Variants in WDR27 observed in about 807,000 individuals in gnomAD.
WDR27 encodes WD repeat domain 27.
In WDR27, 100 loss-of-function variants were observed where a neutral mutation model predicts 114.4. The ratio of observed to expected loss-of-function variants is 0.87; its 90% CI spans 0.74 to 1.03. WDR27 has a LOEUF of 1.03. Among genes scored for constraint, WDR27 ranks in the 50% least tolerant of loss-of-function variants. WDR27 has a pLI of 0.00. For missense variants in WDR27, 1,129 were observed against 1,092.9 expected (o/e 1.03, Z -0.47); for synonymous variants, 449 against 423.1 (o/e 1.06, Z -0.75).
At chr6:169,547,935 GAACA>G (rs1219198002) in intron 25 of WDR27, among the ~76,000 whole-genome samples, 3 of 151,586 alleles carry the variant, frequency 2.0e-5, no homozygotes, top group African/African-American at 4.8e-5. Flanking sequence ...AAACCTTCTG[GAACA>G]AACAGTGATT....
At chr6:169,697,104 C>T (rs1409726469) in intron 1 of WDR27, among the ~76,000 whole-genome samples, 1 of 152,146 alleles carries the variant, frequency 6.6e-6, no homozygotes, top group African/African-American at 2.4e-5. Context: ...AGATATAGAT[C>T]TTAGATATGA....
Position 169,485,949 on chromosome 6 carries a change from GATGAACAC to G in WDR27, c.2646-28323_2646-28316del, listed in dbSNP as rs1190262574. On this transcript the variant is annotated intron_variant, in intron 25 of 25. Transcript: ENST00000448612. Reference sequence around the variant, plus strand: ...TGCACGTTTTCACAAGTGGGAGCCAGATGAACACATGGACACATGGAGGGAAACAAGAG... The same window carrying G: ...TGCACGTTTTCACAAGTGGGAGCCAGATGGACACATGGAGGGAAACAAGAG... 2.0e-5 allele frequency among the ~76,000 whole-genome samples: 3 copies of G among 152,106 alleles called. No homozygotes were observed. In the East Asian group the frequency reaches 5.8e-4, roughly 29 times the overall value.
intron 21 of WDR27, among the ~76,000 whole-genome samples, chr6:169,627,370 TGATGC>T (rs1278989731): frequency 6.6e-6 from 1 of 152,186 alleles, no homozygotes; most frequent in Non-Finnish European, 1.5e-5. Flanking sequence ...AAATCTATGA[TGATGC>T]TTCCAACACA....
intron 25 of WDR27, among the ~76,000 whole-genome samples, chr6:169,467,874 A>G (rs184611884): frequency 6.6e-6 from 1 of 152,362 alleles, no homozygotes; most frequent in Admixed American, 6.5e-5. Flanking sequence ...AAATTTTCTG[A>G]ACTTTTATGC....
intron 21 of WDR27, among the ~76,000 whole-genome samples, chr6:169,623,152 A>G (rs1232215490): frequency 6.6e-6 from 1 of 152,126 alleles, no homozygotes; most frequent in Non-Finnish European, 1.5e-5. Flanking sequence ...TGAATGGATC[A>G]GCTGGTACCC....
At chr6:169,628,207 G>A (rs1815355883) in intron 21 of WDR27, among the ~76,000 whole-genome samples, 1 of 152,118 alleles carries the variant, frequency 6.6e-6, no homozygotes, top group South Asian at 2.1e-4. Context: ...ACAGCAGGAA[G>A]GCCCCGCCAC....
chr6:169,610,684 T>C (rs973332799), intron 22 of WDR27, among the ~76,000 whole-genome samples: 3 of 152,144 alleles, frequency 2.0e-5, no homozygotes, highest in Non-Finnish European at 4.4e-5. Context: ...ATGTGGTATA[T>C]AGACACCATG....
chr6:169,509,477 A>G (rs1013272770), intron 25 of WDR27, among the ~76,000 whole-genome samples: 31 of 152,180 alleles, frequency 2.0e-4, no homozygotes, highest in Admixed American at 1.9e-3. Context: ...ATAATGCCGC[A>G]TATCTACAAC....
At chr6:169,487,127 T>C (rs1025279631) in intron 25 of WDR27, among the ~76,000 whole-genome samples, 2 of 152,124 alleles carry the variant, frequency 1.3e-5, no homozygotes, top group Non-Finnish European at 2.9e-5. Context: ...CCACCTCAGC[T>C]CCTTTATCTA....
Position 169,519,923 on chromosome 6 carries a change from G to A in WDR27, c.2645+52496C>T, listed in dbSNP as rs1023014313. Among the ~76,000 whole-genome samples, 3 of 151,992 alleles carry A rather than the reference G, an allele frequency of 2.0e-5. No individual in the cohort carries two copies. The East Asian group carries it at 5.8e-4, about 29-fold the overall frequency. Reference sequence around the variant, plus strand: ...CATGGAAAATCTCCCCCCAACTCATGGTTTCTACACACACAAAAAAGTGAG... The same window carrying A: ...CATGGAAAATCTCCCCCCAACTCATAGTTTCTACACACACAAAAAAGTGAG... On this transcript the variant is annotated intron_variant, in intron 25 of 25. Transcript: ENST00000448612.
At chr6:169,656,355 G>A (rs1824187353) in intron 13 of WDR27, among the ~76,000 whole-genome samples, 1 of 152,166 alleles carries the variant, frequency 6.6e-6, no homozygotes. Context: ...CATGTGGTTT[G>A]GCTTTCAGAC....
intron 21 of WDR27, among the ~76,000 whole-genome samples, chr6:169,619,259 T>C (rs1245725780): frequency 3.9e-5 from 6 of 152,214 alleles, no homozygotes; most frequent in Non-Finnish European, 8.8e-5. Flanking sequence ...ACGGTCACCA[T>C]GTCATTCCAG....
At chr6:169,442,550 T>C in the WDR27 span, among the ~76,000 whole-genome samples, 2 of 152,230 alleles carry the variant, frequency 1.3e-5, no homozygotes, top group Non-Finnish European at 2.9e-5. Context: ...TATTGTATCA[T>C]GTTTTCACCC....
At chr6:169,473,541 A>G (rs1224434368) in intron 25 of WDR27, among the ~76,000 whole-genome samples, 2 of 152,226 alleles carry the variant, frequency 1.3e-5, no homozygotes, top group Non-Finnish European at 2.9e-5. Flanking sequence ...GAGAAAGAAA[A>G]GGTGCTGTAA....
intron 25 of WDR27, among the ~76,000 whole-genome samples, chr6:169,535,142 T>C (rs944617538): frequency 2.0e-5 from 3 of 152,216 alleles, no homozygotes; most frequent in African/African-American, 7.2e-5. Context: ...AATTAGTCAC[T>C]TATTTTCTTT....
the WDR27 span, among the ~76,000 whole-genome samples, chr6:169,440,818 T>A: frequency 4.7e-3 from 721 of 152,322 alleles, 7 homozygotes; most frequent in African/African-American, 0.016. Flanking sequence ...GAGCTGGCAC[T>A]CTGCTTTAAT....
At chr6:169,452,326 G>A, downstream of WDR27, among the ~76,000 whole-genome samples, 1 of 152,186 alleles carries the variant, frequency 6.6e-6, no homozygotes, top group Non-Finnish European at 1.5e-5. Flanking sequence ...AAACGTTTGC[G>A]ATTTTTAGTG....
In WDR27 at chr6:169,460,470, C is replaced by T. The variant is rs76658684; in HGVS notation, c.2646-2836G>A. Among the ~76,000 whole-genome samples the T allele has an allele frequency of 4.7e-3, 722 of 152,012 alleles. 8 individuals carry two copies. The highest frequency in any genetic ancestry group is 0.03 in the East Asian group (155 of 5,170). On this transcript the variant is annotated intron_variant, in intron 25 of 25. Coordinates refer to ENST00000448612, the MANE Select transcript of WDR27 (RefSeq NM_182552.5). ...AAAGAAATTGAGAAAGAAACTGAAGCATTTACCTAAAAAATTTACTTAACA... is the reference window on the plus strand; with the variant it reads ...AAAGAAATTGAGAAAGAAACTGAAGTATTTACCTAAAAAATTTACTTAACA...
At chr6:169,587,219 T>TC (rs1476551900) in intron 23 of WDR27, among the ~76,000 whole-genome samples, 47 of 132,950 alleles carry the variant, frequency 3.5e-4, no homozygotes, top group African/African-American at 1.1e-3. Context: ...ATTTTCTTTT[T>TC]TTTTTTTTTT....
Sources: allele counts gnomAD v4.1 joint callset (sites outside exome capture counted in the v4.1 genomes callset), GRCh38; gene constraint gnomAD v4.1.1; transcripts MANE v1.5; gene names NCBI Gene and HGNC (gene_info 2026-07-23, HGNC 2026-07-21).